Variants in MRPS27 observed in about 807,000 individuals in gnomAD.
MRPS27 encodes small ribosomal subunit protein mS27.
Under a neutral mutation model 48.9 loss-of-function variants are expected in MRPS27, and 43 were observed. The observed-to-expected ratio is 0.88, with a 90% CI of 0.69 to 1.13. The LOEUF (loss-of-function observed/expected upper bound fraction) is 1.13, where lower values mean the gene tolerates loss of function less well. Ranked by LOEUF, MRPS27 falls within the 50% of genes most tolerant of loss-of-function variation. The probability of loss-of-function intolerance (pLI) is 0.00; values close to 1 mark genes in which losing one functional copy is unlikely to be tolerated. For synonymous variants in MRPS27, 188 were observed against 171.9 expected, an observed-to-expected ratio of 1.09 and a Z score of -0.73; for missense variants, 467 against 476.3, an observed-to-expected ratio of 0.98 and a Z score of 0.18.
chr5:72,317,734 CTGGAG>C (rs1193907906), intron 1 of MRPS27, among the ~76,000 whole-genome samples: 1 of 152,132 alleles, frequency 6.6e-6, no homozygotes, highest in African/African-American at 2.4e-5. Flanking sequence ...GTTGCCCAGG[CTGGAG>C]TGTAGTGGCA....
intron 4 of MRPS27, among the ~76,000 whole-genome samples, chr5:72,270,767 C>T (rs1439417447): frequency 6.6e-6 from 1 of 152,084 alleles, no homozygotes; most frequent in Non-Finnish European, 1.5e-5. Flanking sequence ...AAAAATTTAA[C>T]AAATTAATAC....
At position 72,242,687 on chromosome 5, in the gene MRPS27, CACA is replaced by C. The variant is rs1580064179; in HGVS notation, c.282-4562_282-4560del. On this transcript the variant is annotated intron_variant, in intron 4 of 10. Transcript: ENST00000261413. ...GTCTACACACACACACACACACACA[CACA>C]CACACACACACACACACTCACGGCA... Among the ~76,000 whole-genome samples the C allele has an allele frequency of 7.3e-5, 11 of 150,340 alleles. No homozygotes were observed. In the East Asian group the frequency reaches 2.1e-3, roughly 29 times the overall value.
rs1403957798 is a variant in MRPS27 at position 72,234,214 on chromosome 5, C to T, written c.397-17G>A. ...ATATTGAACCTATAATGAAAATGAA[C>T]ATAACAGGAAAAAAAGAGAAAATTA... is the stretch of plus-strand genomic sequence containing the variant. On this transcript the variant is annotated splice_polypyrimidine_tract_variant and intron_variant, in intron 5 of 10. Transcript: ENST00000261413. The T allele has an allele frequency of 6.9e-7, 1 of 1,455,940 alleles. No homozygotes were observed. Among genetic ancestry groups the T allele is most frequent in the Non-Finnish European group, 9.1e-7 (1 of 1,100,068 alleles). 90.2% of individuals were successfully genotyped at this position (1,455,940 alleles called of 1,614,324 possible).
chr5:72,243,052 C>T lies in MRPS27; in HGVS notation c.282-4924G>A, dbSNP rs1327750444. On this transcript the variant is annotated intron_variant, in intron 4 of 10. Coordinates refer to ENST00000261413, the MANE Select transcript of MRPS27 (RefSeq NM_015084.3). ...AGCTTTCCCTCCGCCCCAGTGAATT[C>T]TGTATCCTGTGGCAACAGGCTTTAC... 2.6e-5 allele frequency among the ~76,000 whole-genome samples: 4 copies of T among 152,334 alleles called. No individual in the cohort carries two copies. The East Asian group carries it at 7.7e-4, about 29-fold the overall frequency.
At chr5:72,224,523 T>C (rs1019222621) in intron 9 of MRPS27, among the ~76,000 whole-genome samples, 3 of 152,134 alleles carry the variant, frequency 2.0e-5, no homozygotes, top group Non-Finnish European at 4.4e-5. Context: ...TCTTCCTCAA[T>C]CAGTTTGGAT....
In MRPS27 at chr5:72,314,950, T is replaced by C. The variant is rs1382687729; in HGVS notation, c.74-792A>G. Among the ~76,000 whole-genome samples the C allele has an allele frequency of 2.0e-5, 3 of 152,206 alleles. No individual in the cohort carries two copies. In the East Asian group the frequency reaches 5.8e-4, roughly 29 times the overall value. ...CTTACCCAATGAGCCAGCACCCTAG[T>C]GGTAAATTAAAGAAACTCACAAAGC... On this transcript the variant is annotated intron_variant, in intron 1 of 10. Coordinates refer to ENST00000261413, the MANE Select transcript of MRPS27 (RefSeq NM_015084.3).
intron 6 of MRPS27, 148 bp downstream of exon 6, chr5:72,233,971 A>G (rs1748127039): frequency 4.9e-6 from 4 of 809,300 alleles, no homozygotes; most frequent in East Asian, 7.6e-5. Context: ...AAAATTTTGC[A>G]TAAAAGATAA....
intron 4 of MRPS27, among the ~76,000 whole-genome samples, chr5:72,285,927 A>G (rs1749660191): frequency 6.6e-6 from 1 of 152,232 alleles, no homozygotes; most frequent in South Asian, 2.1e-4. Context: ...TGGCTTTAAA[A>G]TTTCCCGTAT....
In MRPS27 at chr5:72,228,387, G is replaced by C. The variant is rs778768801; in HGVS notation, c.592-19C>G. On this transcript the variant is annotated intron_variant, in intron 7 of 10. Coordinates refer to ENST00000261413, the MANE Select transcript of MRPS27 (RefSeq NM_015084.3). ...CTTCCCACTGCAACAGAATATACTG[G>C]ATCATGATCCATCTAAGCAATGAGT... 6.4e-7 allele frequency: 1 copy of C among 1,553,718 alleles called. No homozygotes were observed. Among genetic ancestry groups the C allele is most frequent in the Non-Finnish European group, 8.8e-7 (1 of 1,131,666 alleles).
intron 2 of MRPS27, among the ~76,000 whole-genome samples, chr5:72,309,037 C>CT (rs1268237508): frequency 6.6e-6 from 1 of 152,122 alleles, no homozygotes; most frequent in African/African-American, 2.4e-5. Context: ...CAAGTGCAGA[C>CT]TTCAGCACAT....
intron 2 of MRPS27, among the ~76,000 whole-genome samples, chr5:72,305,577 C>G (rs1420092776): frequency 6.6e-6 from 1 of 152,190 alleles, no homozygotes; most frequent in Admixed American, 6.5e-5. Flanking sequence ...ACAAGCAAAA[C>G]AGTAACCCAA....
chr5:72,278,599 A>C (rs1034341466), intron 4 of MRPS27, among the ~76,000 whole-genome samples: 10 of 152,108 alleles, frequency 6.6e-5, no homozygotes, highest in African/African-American at 2.4e-4. Flanking sequence ...TAATACCTTG[A>C]ATTTGTTGTT....
chr5:72,318,719 G>A (rs1750637467), intron 1 of MRPS27, among the ~76,000 whole-genome samples: 1 of 151,960 alleles, frequency 6.6e-6, no homozygotes, highest in South Asian at 2.1e-4. Context: ...ACTTGAACCC[G>A]GGAGGCAGAG....
intron 10 of MRPS27, among the ~76,000 whole-genome samples, chr5:72,222,250 A>G (rs1233533028): frequency 6.6e-6 from 1 of 152,240 alleles, no homozygotes; most frequent in African/African-American, 2.4e-5. Context: ...GAGGCCAACA[A>G]GACAGCTTGG....
rs1378805344 is a variant in MRPS27 at position 72,297,656 on chromosome 5, A to G, written c.198T>C (p.Pro66=). Residue 66 remains proline (P), a synonymous_variant, in exon 3 of 11, where the codon CCT becomes CCC. Transcript: ENST00000261413. ...LMDKTFERKL[P]VSSLTISRLI... is the part of the protein sequence containing the mutation. ...CCCGTGATATTGTTAAAGAACTAAC[A>G]GGCAACTTTCTCTCAAATGTTTTAT... 2.5e-6 allele frequency: 4 copies of G among 1,602,400 alleles called. 1 individual carries two copies. The highest frequency in any genetic ancestry group is 1.3e-5 in the African/African-American group (1 of 74,604).
At chr5:72,301,947 AG>A (rs1195039573) in intron 2 of MRPS27, among the ~76,000 whole-genome samples, 2 of 152,192 alleles carry the variant, frequency 1.3e-5, no homozygotes, top group Admixed American at 1.3e-4. Flanking sequence ...TGTTTCAGTG[AG>A]GGGCCAGCAG....
At chr5:72,250,186 C>T (rs908764476) in intron 4 of MRPS27, among the ~76,000 whole-genome samples, 1 of 152,126 alleles carries the variant, frequency 6.6e-6, no homozygotes, top group South Asian at 2.1e-4. Flanking sequence ...CTCTCTTCTT[C>T]CCAATAGTCT....
intron 4 of MRPS27, among the ~76,000 whole-genome samples, chr5:72,262,486 T>C (rs1201082812): frequency 6.6e-6 from 1 of 152,162 alleles, no homozygotes; most frequent in Non-Finnish European, 1.5e-5. Context: ...CAGTATATAC[T>C]GAATACTGCT....
intron 2 of MRPS27, among the ~76,000 whole-genome samples, chr5:72,298,014 C>T (rs1750025601): frequency 6.6e-6 from 1 of 152,122 alleles, no homozygotes; most frequent in Admixed American, 6.5e-5. Flanking sequence ...ACTAAGTCCT[C>T]AAAAGCAATT....
Sources: gnomAD v4.1 joint callset for allele counts (sites outside exome capture counted in the v4.1 genomes callset) on GRCh38, gnomAD v4.1.1 for gene constraint, MANE v1.5 for transcripts, NCBI Gene and HGNC (gene_info 2026-07-23, HGNC 2026-07-21) for gene names.